The following MAGI2 variants were observed in gnomAD, a reference collection of about 807,000 sequenced individuals.
The protein encoded by MAGI2 is membrane associated guanylate kinase, WW and PDZ domain containing 2.
MAGI2 carries 35 observed loss-of-function variants against 133.3 expected under a neutral mutation model. The ratio of observed to expected loss-of-function variants is 0.26; its 90% confidence interval spans 0.20 to 0.35. The LOEUF (loss-of-function observed/expected upper bound fraction) is 0.35, where lower values mean the gene tolerates loss of function less well. MAGI2 is among the 10% of genes least tolerant of loss of function. The pLI is 1.00. For missense variants in MAGI2, 1,636 were observed against 1,863.4 expected (o/e 0.88, Z 2.25); for synonymous variants, 729 against 710.6 (o/e 1.03, Z -0.41).
Position 78,941,245 on chromosome 7 carries a change from ACTG to A in MAGI2, c.418+65842_418+65844del, listed in dbSNP as rs537839242. Reference sequence around the variant, plus strand: ...ACAGGTTCATCTATTGTGTCAAAGCACTGCCTAAAACTTTCTGTTGGCTCCTTC... The same window carrying A: ...ACAGGTTCATCTATTGTGTCAAAGCACCTAAAACTTTCTGTTGGCTCCTTC... On this transcript the variant is annotated intron_variant, in intron 2 of 21. Transcript: ENST00000354212. Among the ~76,000 whole-genome samples, 492 of 152,340 alleles carry A rather than the reference ACTG, an allele frequency of 3.2e-3. 1 individual carries two copies. The highest frequency in any genetic ancestry group is 0.011 in the African/African-American group (468 of 41,584).
At chr7:79,323,803 T>C (rs1344507115) in intron 1 of MAGI2, among the ~76,000 whole-genome samples, 1 of 152,066 alleles carries the variant, frequency 6.6e-6, no homozygotes, top group East Asian at 1.9e-4. Context: ...CTCAAAGGTG[T>C]ATATGGGAGC....
Position 78,256,385 on chromosome 7 carries a change from T to C in MAGI2, c.1605A>G (p.Pro535=), listed in dbSNP as rs1226866828. The C allele has an allele frequency of 5.0e-6, 8 of 1,613,998 alleles. No individual in the cohort carries two copies. Among genetic ancestry groups the C allele is most frequent in the East Asian group, 2.2e-5 (1 of 44,788 alleles). The change falls in exon 10 of 22, where the codon CCA becomes CCG. Residue 535 remains proline, a synonymous_variant. Coordinates refer to ENST00000354212, the MANE Select transcript of MAGI2 (RefSeq NM_012301.4). The part of the protein sequence containing the change: ...PPLAIMERPP[P]VMVNGRHNYE... ...AGTTGTGTCTTCCATTGACCATCAC[T>C]GGAGGTGGCCTCTCCATTATTGCAA...
intron 21 of MAGI2, among the ~76,000 whole-genome samples, chr7:78,026,416 A>G (rs1584871499): frequency 6.6e-6 from 1 of 152,234 alleles, no homozygotes; most frequent in African/African-American, 2.4e-5. Flanking sequence ...GTTTTCCCAT[A>G]TGGCTCTTAA....
chr7:79,300,266 G>A (rs763725752), intron 1 of MAGI2, among the ~76,000 whole-genome samples: 10 of 152,132 alleles, frequency 6.6e-5, no homozygotes, highest in African/African-American at 1.9e-4. Context: ...CTGGTAAAAT[G>A]GTTGTGACCA....
At chr7:79,098,614 C>T (rs891671222) in intron 1 of MAGI2, among the ~76,000 whole-genome samples, 3 of 152,174 alleles carry the variant, frequency 2.0e-5, no homozygotes, top group Non-Finnish European at 2.9e-5. Flanking sequence ...CTTAGGACTG[C>T]AATACTAATC....
chr7:79,233,872 G>T (rs1403998359), intron 1 of MAGI2, among the ~76,000 whole-genome samples: 5 of 151,616 alleles, frequency 3.3e-5, no homozygotes, highest in Non-Finnish European at 7.4e-5. Context: ...GTTAGTTGAT[G>T]CAGTTTCTTC....
At chr7:78,129,966 A>G (rs1474815318) in intron 18 of MAGI2, among the ~76,000 whole-genome samples, 3 of 147,300 alleles carry the variant, frequency 2.0e-5, no homozygotes, top group Non-Finnish European at 4.5e-5. Context: ...AAAAAGAATC[A>G]CTTCCAGTCC....
chr7:78,655,207 G>C (rs192827602), intron 2 of MAGI2, among the ~76,000 whole-genome samples: 1 of 151,598 alleles, frequency 6.6e-6, no homozygotes, highest in Admixed American at 6.6e-5. Context: ...TTACTAAAAC[G>C]CAAGACAACG....
intron 2 of MAGI2, among the ~76,000 whole-genome samples, chr7:78,995,710 C>T (rs1391039725): frequency 6.6e-6 from 1 of 151,392 alleles, no homozygotes; most frequent in African/African-American, 2.4e-5. Flanking sequence ...GACTTCATTG[C>T]TTTTCTTTTC....
intron 3 of MAGI2, among the ~76,000 whole-genome samples, chr7:78,537,108 T>A (rs888674222): frequency 3.9e-5 from 6 of 151,922 alleles, no homozygotes; most frequent in African/African-American, 1.5e-4. Context: ...GGTCTCCAAC[T>A]CCATCCAGGT....
chr7:78,869,404 A>G (rs759404630), intron 2 of MAGI2, among the ~76,000 whole-genome samples: 1 of 152,150 alleles, frequency 6.6e-6, no homozygotes, highest in South Asian at 2.1e-4. Flanking sequence ...TTTTGTGCAG[A>G]GTGAGAGATG....
chr7:78,459,244 G>T lies in MAGI2; in HGVS notation c.1045+30517C>A, dbSNP rs193265986. Reference sequence around the variant, plus strand: ...TAATCAATATAAAACATTTCATTAAGAGTTGCATAATAATCTGCAGTAGAT... The same window carrying T: ...TAATCAATATAAAACATTTCATTAATAGTTGCATAATAATCTGCAGTAGAT... On this transcript the variant is annotated intron_variant, in intron 6 of 21. Transcript: ENST00000354212. Among the ~76,000 whole-genome samples, 154 of 152,270 alleles carry T rather than the reference G, an allele frequency of 1.0e-3. 1 individual carries two copies. The highest frequency in any genetic ancestry group is 2.1e-4 in the Non-Finnish European group (14 of 68,024).
intron 1 of MAGI2, among the ~76,000 whole-genome samples, chr7:79,367,875 A>ATATATATATATATATGTG (rs1342246318): frequency 8.2e-6 from 1 of 122,084 alleles, no homozygotes; most frequent in African/African-American, 3.5e-5. Context: ...ATATATATAT[A>ATATATATATATATATGTG]TGTCATTGAC....
At chr7:78,831,232 A>G (rs1791122692) in intron 2 of MAGI2, among the ~76,000 whole-genome samples, 1 of 151,824 alleles carries the variant, frequency 6.6e-6, no homozygotes, top group Non-Finnish European at 1.5e-5. Context: ...ATGTTTTTCC[A>G]CTCTTCAAAA....
intron 1 of MAGI2, among the ~76,000 whole-genome samples, chr7:79,442,741 C>G (rs921886317): frequency 2.0e-5 from 3 of 150,364 alleles, no homozygotes; most frequent in Non-Finnish European, 4.4e-5. Flanking sequence ...AGCCTTCACT[C>G]TTCACACACA....
intron 3 of MAGI2, among the ~76,000 whole-genome samples, chr7:78,558,612 T>G (rs1462733337): frequency 6.6e-6 from 1 of 152,106 alleles, no homozygotes; most frequent in Admixed American, 6.6e-5. Context: ...AAAATGTAGG[T>G]TCTGTGATAA....
intron 21 of MAGI2, among the ~76,000 whole-genome samples, chr7:78,031,980 G>T (rs1241098519): frequency 6.7e-6 from 1 of 148,998 alleles, no homozygotes; most frequent in Non-Finnish European, 1.5e-5. Flanking sequence ...ATCCCCAACA[G>T]TGTGTCCCCA....
At chr7:78,667,183 T>G (rs1355204910) in intron 2 of MAGI2, among the ~76,000 whole-genome samples, 4 of 152,048 alleles carry the variant, frequency 2.6e-5, no homozygotes, top group Admixed American at 1.3e-4. Context: ...GAGTTAAATA[T>G]AGAACATCTT....
chr7:79,304,254 G>A lies in MAGI2; in HGVS notation c.301+148766C>T, dbSNP rs115555151. On this transcript the variant is annotated intron_variant, in intron 1 of 21. Coordinates refer to ENST00000354212, the MANE Select transcript of MAGI2 (RefSeq NM_012301.4). The stretch of plus-strand genomic sequence containing the variant: ...GTGTAGATTTCTAGAGGTTAAAGCC[G>A]TTACCTATGGGGAGTTATGTTAAAT... Among the ~76,000 whole-genome samples, 728 of 133,038 alleles carry A rather than the reference G, an allele frequency of 5.5e-3. 4 individuals are homozygous for A. Among genetic ancestry groups the A allele is most frequent in the African/African-American group, 0.021 (699 of 33,308 alleles). The allele number at this position is 133,038 out of a possible 152,430, so 87.3% of individuals were successfully genotyped here.
Sources: gnomAD v4.1 joint callset for allele counts (sites outside exome capture counted in the v4.1 genomes callset) on GRCh38, gnomAD v4.1.1 for gene constraint, MANE v1.5 for transcripts, NCBI Gene and HGNC (gene_info 2026-07-23, HGNC 2026-07-21) for gene names.